Variants in ACYP1 observed in about 807,000 individuals in gnomAD.
ACYP1 encodes the protein acylphosphatase 1, also known as acylphosphatase-1.
In ACYP1, 8 loss-of-function variants were observed where a neutral mutation model predicts 10.4. The ratio of observed to expected loss-of-function variants is 0.77; its 90% CI spans 0.45 to 1.38. The LOEUF (loss-of-function observed/expected upper bound fraction) is 1.38. Among genes scored for constraint, ACYP1 ranks in the 40% most tolerant of loss-of-function variants. The pLI is 0.00. For synonymous variants in ACYP1, 38 were observed against 40.8 expected, an observed-to-expected ratio of 0.93 and a Z score of 0.26; for missense variants, 93 against 117.3, an observed-to-expected ratio of 0.79 and a Z score of 0.96.
intron 2 of ACYP1, chr14:75,061,666 T>A (rs768532001): frequency 3.1e-5 from 49 of 1,557,234 alleles, no homozygotes; most frequent in Non-Finnish European, 3.9e-5. Context: ...TCAATCACCT[T>A]AATTTACAGG....
At chr14:75,059,330 G>A (rs1396824695) in intron 2 of ACYP1, among the ~76,000 whole-genome samples, 1 of 152,024 alleles carries the variant, frequency 6.6e-6, no homozygotes, top group African/African-American at 2.4e-5. Flanking sequence ...AAACCCAGTT[G>A]CTACAAAAAA....
chr14:75,059,168 C>T (rs373640444), intron 2 of ACYP1, among the ~76,000 whole-genome samples: 6 of 115,174 alleles, frequency 5.2e-5, no homozygotes, highest in African/African-American at 2.0e-4. Flanking sequence ...CAGAGCGAGA[C>T]TCTGTCTTAA....
At chr14:75,062,395 T>C (rs982714595) in intron 2 of ACYP1, among the ~76,000 whole-genome samples, 1 of 150,596 alleles carries the variant, frequency 6.6e-6, no homozygotes, top group African/African-American at 2.4e-5. Context: ...TGTGCCACCA[T>C]CCTTCAGAAA....
chr14:75,068,150 G>A (rs1364083527), upstream of ACYP1, among the ~76,000 whole-genome samples: 3 of 150,966 alleles, frequency 2.0e-5, no homozygotes, highest in Non-Finnish European at 4.4e-5. Context: ...AATTAGCCAG[G>A]TGTAGTGGCA....
At chr14:75,067,874 CTG>C (rs1893176282), upstream of ACYP1, among the ~76,000 whole-genome samples, 1 of 151,856 alleles carries the variant, frequency 6.6e-6, no homozygotes, top group Admixed American at 6.6e-5. Context: ...GGGCACACAC[CTG>C]TAGTCCCAGC....
At chr14:75,063,402 C>A in intron 2 of ACYP1, 68 bp downstream of exon 2, 1 of 1,364,224 alleles carries the variant, frequency 7.3e-7, no homozygotes, top group Non-Finnish European at 1.0e-6. Context: ...TCACATTTGT[C>A]AAGAACACGT....
chr14:75,053,396 T>G lies in ACYP1; in HGVS notation c.*48A>C, dbSNP rs375204721. Reference sequence around the variant, plus strand: ...ACAATAGTTCTATCTCTATTAATAATAAAAACCAAACCACTGAGTTTATCT... The same window carrying G: ...ACAATAGTTCTATCTCTATTAATAAGAAAAACCAAACCACTGAGTTTATCT... On this transcript the variant is annotated 3_prime_UTR_variant, in exon 3 of 3. Coordinates refer to ENST00000238618, the MANE Select transcript of ACYP1 (RefSeq NM_001107.5). 10 of 1,542,082 alleles carry G rather than the reference T, an allele frequency of 6.5e-6. No individual in the cohort carries two copies. Among genetic ancestry groups the G allele is most frequent in the Non-Finnish European group, 8.1e-6 (9 of 1,116,516 alleles).
intron 2 of ACYP1, among the ~76,000 whole-genome samples, chr14:75,059,174 C>CT (rs869260601): frequency 1.3e-4 from 4 of 31,420 alleles, no homozygotes; most frequent in Non-Finnish European, 2.2e-4. Context: ...GAGACTCTGT[C>CT]TTAAAAAAAA....
At chr14:75,064,437 G>A (rs1424464976), upstream of ACYP1, 1 of 152,266 alleles carries the variant, frequency 6.6e-6, no homozygotes. Flanking sequence ...TTCTGGAGGT[G>A]AGAGACAAAC....
intron 2 of ACYP1, 74 bp from the exon 3 acceptor site, chr14:75,053,733 A>C (rs929338272): frequency 6.3e-6 from 9 of 1,418,092 alleles, no homozygotes; most frequent in Middle Eastern, 1.8e-4. Flanking sequence ...CTGTTGCCAG[A>C]ATCTTGGCCT....
At chr14:75,063,675 C>T in intron 1 of ACYP1, 114 bp from the exon 2 acceptor site, 1 of 853,744 alleles carries the variant, frequency 1.2e-6, no homozygotes, top group Non-Finnish European at 1.8e-6. Context: ...GCGACCTCTC[C>T]CCGACTTCAA....
intron 1 of ACYP1, 29 bp from the exon 2 acceptor site, chr14:75,063,590 G>T: frequency 1.3e-6 from 2 of 1,583,364 alleles, no homozygotes; most frequent in African/African-American, 1.3e-5. Flanking sequence ...GCAGAAGAGT[G>T]AAGGGCTATT....
intron 2 of ACYP1, 198 bp downstream of exon 2, chr14:75,063,272 T>C (rs1893073625): frequency 1.8e-6 from 1 of 569,794 alleles, no homozygotes; most frequent in African/African-American, 1.9e-5. Context: ...TGACTAATAA[T>C]AACAGCAGGG....
At chr14:75,065,031 C>T (rs1893119333), upstream of ACYP1, among the ~76,000 whole-genome samples, 1 of 152,176 alleles carries the variant, frequency 6.6e-6, no homozygotes, top group Admixed American at 6.5e-5. Flanking sequence ...CTCATGGCTC[C>T]AGAATTACAG....
chr14:75,069,179 A>G (rs1296343024), intron 1 of ACYP1: 9 of 1,514,432 alleles, frequency 5.9e-6, no homozygotes, highest in East Asian at 5.3e-5. Context: ...CTTGGCGAGG[A>G]CAAGCAAGGA....
At chr14:75,064,922 A>G (rs1275206684), upstream of ACYP1, among the ~76,000 whole-genome samples, 2 of 152,164 alleles carry the variant, frequency 1.3e-5, no homozygotes, top group African/African-American at 4.8e-5. Flanking sequence ...GGGCTTCTGG[A>G]AGCTACTCAC....
At chr14:75,054,000 T>C (rs574690792) in intron 2 of ACYP1, among the ~76,000 whole-genome samples, 1 of 152,360 alleles carries the variant, frequency 6.6e-6, no homozygotes, top group South Asian at 2.1e-4. Context: ...GGACTGTATC[T>C]TGCTCATTTT....
chr14:75,063,733 G>A (rs1893087776), intron 1 of ACYP1, among the ~76,000 whole-genome samples, 172 bp from the exon 2 acceptor site: 1 of 152,138 alleles, frequency 6.6e-6, no homozygotes, highest in Non-Finnish European at 1.5e-5. Context: ...TGTGTGTGAA[G>A]GAAGAACCAG....
At chr14:75,068,068 T>C (rs1893182644), upstream of ACYP1, among the ~76,000 whole-genome samples, 1 of 151,202 alleles carries the variant, frequency 6.6e-6, no homozygotes, top group Non-Finnish European at 1.5e-5. Flanking sequence ...GACAGGCGGA[T>C]CACCTGGGGT....
Sources: gnomAD v4.1 joint callset for allele counts (sites outside exome capture counted in the v4.1 genomes callset) on GRCh38, gnomAD v4.1.1 for gene constraint, MANE v1.5 for transcripts, NCBI Gene and HGNC (gene_info 2026-07-23, HGNC 2026-07-21) for gene names.